SAP130: variants seen among roughly 807,000 people sequenced by gnomAD.
The protein encoded by SAP130 is histone deacetylase complex subunit SAP130.
Under a neutral mutation model 103.2 loss-of-function variants are expected in SAP130, and 16 were observed. The ratio of observed to expected loss-of-function variants is 0.16; its 90% CI spans 0.10 to 0.24. SAP130 has a LOEUF of 0.24. Among genes scored for constraint, SAP130 ranks in the 10% least tolerant of loss-of-function variants. SAP130 has a pLI of 1.00. For synonymous variants in SAP130, 477 were observed against 497.0 expected, an observed-to-expected ratio of 0.96 and a Z score of 0.53; for missense variants, 990 against 1,359.7, an observed-to-expected ratio of 0.73 and a Z score of 4.28.
Position 127,953,968 on chromosome 2 carries a change from T to C in SAP130, c.2422+1018A>G, listed in dbSNP as rs1679663041. On this transcript the variant is annotated intron_variant, in intron 16 of 20. Coordinates refer to ENST00000643581, the MANE Select transcript of SAP130 (RefSeq NM_001330301.2). This position sits in a 1 kb window ranked among gnomAD's most constrained non-coding sequence, Gnocchi z 4.0. Reference sequence around the variant, plus strand: ...TAAGACCTAAGAGGATAAAGCTGCATTTGTCTTACACAAAGTTGCATCGTC... The same window carrying C: ...TAAGACCTAAGAGGATAAAGCTGCACTTGTCTTACACAAAGTTGCATCGTC... Among the ~76,000 whole-genome samples, 1 of 152,228 alleles carries C rather than the reference T, an allele frequency of 6.6e-6. No homozygotes were observed. The highest frequency in any genetic ancestry group is 2.4e-5 in the African/African-American group (1 of 41,466).
chr2:127,957,391 C>G (rs1243877892), intron 15 of SAP130, among the ~76,000 whole-genome samples: 1 of 152,194 alleles, frequency 6.6e-6, no homozygotes, highest in Non-Finnish European at 1.5e-5. Flanking sequence ...TAAGAAAGAA[C>G]TGGCTAGGCG....
intron 10 of SAP130, among the ~76,000 whole-genome samples, chr2:127,997,911 C>T (rs1477146466): frequency 6.6e-6 from 1 of 152,036 alleles, no homozygotes; most frequent in East Asian, 1.9e-4. Flanking sequence ...GTCAGGAGTT[C>T]GAGACCAGCC....
Position 128,000,124 on chromosome 2 carries a change from G to A in SAP130, c.1040C>T (p.Thr347Met), listed in dbSNP as rs769441283. ...TGCTACTGTGGCTGCAGCCACTGGC[G>A]TGCCAGTACTGAAGATTGTTTTCTG... ...MAQKTIFSTG[T>M]PVAAATVAPI... Residue 347 changes from threonine (T) to methionine (M), a missense_variant, in exon 9 of 21, where the codon ACG (threonine) becomes ATG (methionine). Thr to Met is a moderately conservative substitution (Grantham distance 81, BLOSUM62 -1). Around this residue, in one of 6 missense-constraint regions of SAP130, gnomAD observed 336 missense variants for 520.1 expected, o/e 0.65. Coordinates refer to ENST00000643581, the MANE Select transcript of SAP130 (RefSeq NM_001330301.2). 48 of 1,614,018 alleles carry A rather than the reference G, an allele frequency of 3.0e-5. No individual in the cohort carries two copies. The highest frequency in any genetic ancestry group is 1.2e-4 in the Admixed American group (7 of 60,004).
intron 6 of SAP130, among the ~76,000 whole-genome samples, chr2:128,011,305 T>C (rs1684382001): frequency 6.6e-6 from 1 of 152,244 alleles, no homozygotes; most frequent in Non-Finnish European, 1.5e-5. Context: ...TTATCACACT[T>C]ACGTGTGAAA....
intron 15 of SAP130, among the ~76,000 whole-genome samples, 192 bp downstream of exon 15, chr2:127,977,793 G>C (rs1357059724): frequency 6.6e-6 from 1 of 152,012 alleles, no homozygotes; most frequent in African/African-American, 2.4e-5. Flanking sequence ...GGCTGAGGCT[G>C]ATCACTTGAG....
chr2:128,020,010 A>G (rs1685044134), intron 2 of SAP130, among the ~76,000 whole-genome samples: 2 of 152,196 alleles, frequency 1.3e-5, no homozygotes, highest in Admixed American at 6.5e-5. Flanking sequence ...CATAAAGATA[A>G]TATTTACTTA....
At position 127,953,215 on chromosome 2, in the gene SAP130, T is replaced by C. The variant is rs1416771690; in HGVS notation, c.2422+1771A>G. Among the ~76,000 whole-genome samples the C allele has an allele frequency of 2.0e-5, 3 of 152,124 alleles. No individual in the cohort carries two copies. The highest frequency in any genetic ancestry group is 1.3e-4 in the Admixed American group (2 of 15,258). ...TTGCTAAGGCCAAAAATCTTGGAAA[T>C]TGTCCCAGATACTGTTCTCTCACAC... On this transcript the variant is annotated intron_variant, in intron 16 of 20. Transcript: ENST00000643581. This position sits in a 1 kb window ranked among gnomAD's most constrained non-coding sequence, Gnocchi z 4.0.
intron 15 of SAP130, among the ~76,000 whole-genome samples, chr2:127,962,833 C>G (rs1680353197): frequency 6.7e-6 from 1 of 150,264 alleles, no homozygotes; most frequent in African/African-American, 2.5e-5. Context: ...ACATATGTAA[C>G]AAACCTGCAC....
In SAP130 at chr2:127,953,594, T is replaced by A. The variant is rs897182952; in HGVS notation, c.2422+1392A>T. ...TGATCCTGCTGCCTGCCACTCCCCT[T>A]ATTACTTAGCTCCAGCGACCTTTGG... On this transcript the variant is annotated intron_variant, in intron 16 of 20. Transcript: ENST00000643581. This position sits in a 1 kb window ranked among gnomAD's most constrained non-coding sequence, Gnocchi z 4.0. 6.6e-6 allele frequency among the ~76,000 whole-genome samples: 1 copy of A among 152,178 alleles called. No homozygotes were observed. Among genetic ancestry groups the A allele is most frequent in the African/African-American group, 2.4e-5 (1 of 41,440 alleles).
intron 18 of SAP130, among the ~76,000 whole-genome samples, chr2:127,947,484 G>A (rs1377328451): frequency 3.9e-5 from 6 of 152,100 alleles, no homozygotes; most frequent in Non-Finnish European, 8.8e-5. Flanking sequence ...ATATTGATCT[G>A]TCATTTTCTA....
rs569112981 is a variant in SAP130, at chr2:127,955,498, A to G, written c.2064-154T>C. Among the ~76,000 whole-genome samples, 26 of 152,194 alleles carry G rather than the reference A, an allele frequency of 1.7e-4. No homozygotes were observed. Among genetic ancestry groups the G allele is most frequent in the Non-Finnish European group, 3.2e-4 (22 of 68,004 alleles). On this transcript the variant is annotated intron_variant, in intron 15 of 20. Transcript: ENST00000643581. This position sits in a 1 kb window ranked among gnomAD's most constrained non-coding sequence, Gnocchi z 4.9. Reference sequence around the variant, plus strand: ...TTTTTTTAAATTTTTAATTTTAAAAAAATTTTGAGACAGGGTCTCACTCTG... The same window carrying G: ...TTTTTTTAAATTTTTAATTTTAAAAGAATTTTGAGACAGGGTCTCACTCTG...
At chr2:128,021,113 T>A (rs369496835) in intron 2 of SAP130, among the ~76,000 whole-genome samples, 1 of 152,058 alleles carries the variant, frequency 6.6e-6, no homozygotes, top group African/African-American at 2.4e-5. Flanking sequence ...TGTCCAATGA[T>A]CTCTTCAGGA....
intron 10 of SAP130, among the ~76,000 whole-genome samples, chr2:127,998,575 A>G (rs1175142432): frequency 6.6e-6 from 1 of 152,256 alleles, no homozygotes. Context: ...TAATACAGAA[A>G]TATTGGGGTT....
At chr2:127,969,543 C>T (rs1167520944) in intron 15 of SAP130, among the ~76,000 whole-genome samples, 1 of 152,152 alleles carries the variant, frequency 6.6e-6, no homozygotes, top group Non-Finnish European at 1.5e-5. Context: ...CTAGAGCTAC[C>T]ACAACAAATC....
intron 7 of SAP130, among the ~76,000 whole-genome samples, chr2:128,003,711 G>A (rs1258075455): frequency 1.4e-5 from 2 of 142,266 alleles, no homozygotes; most frequent in Non-Finnish European, 3.0e-5. Context: ...TTCAGAAAGT[G>A]CTCCCTAATC....
chr2:127,961,075 G>A (rs1680214920), intron 15 of SAP130, among the ~76,000 whole-genome samples: 1 of 147,480 alleles, frequency 6.8e-6, no homozygotes, highest in Admixed American at 6.9e-5. Flanking sequence ...CTGCAGCCTC[G>A]ACCTCCCAGA....
rs1474911789 is a variant in SAP130, at chr2:127,986,834, C to T, written c.1909G>A (p.Gly637Ser). Residue 637 changes from glycine (G) to serine (S), a missense_variant, in exon 14 of 21, where the codon GGC becomes AGC. By Grantham distance (56) the Gly-to-Ser change is moderately conservative (BLOSUM62 0). Transcript: ENST00000643581. This position sits in a 1 kb window ranked among gnomAD's most constrained non-coding sequence, Gnocchi z 4.7. The part of the protein sequence containing the change: ...QSASTNAPAQ[G>S]SSPRPSILRK... ...AGTATGCTTGGCCGTGGCGATGAGCCCTGGGCGGGAGCGTTGGTGCTAGCA... is the reference window on the plus strand; with the variant it reads ...AGTATGCTTGGCCGTGGCGATGAGCTCTGGGCGGGAGCGTTGGTGCTAGCA... The T allele has an allele frequency of 3.1e-6, 5 of 1,614,090 alleles. No homozygotes were observed. The highest frequency in any genetic ancestry group is 2.2e-5 in the East Asian group (1 of 44,898).
At chr2:128,014,939 A>G (rs1290709899) in intron 4 of SAP130, 25 bp from the exon 5 acceptor site, 2 of 1,591,854 alleles carry the variant, frequency 1.3e-6, no homozygotes, top group Non-Finnish European at 1.7e-6. Flanking sequence ...ATAGAACGTT[A>G]TTTTTACATG....
At chr2:127,971,286 CTT>C (rs70985494) in intron 15 of SAP130, among the ~76,000 whole-genome samples, 95 of 104,298 alleles carry the variant, frequency 9.1e-4, no homozygotes, top group South Asian at 4.2e-3. Context: ...TTTTTCATTT[CTT>C]TTTTTTTTTT....
Sources: allele counts gnomAD v4.1 joint callset (sites outside exome capture counted in the v4.1 genomes callset), GRCh38; gene constraint gnomAD v4.1.1; regional missense constraint gnomAD v4.1.1; non-coding constraint Gnocchi (gnomAD v3.1); transcripts MANE v1.5; gene names NCBI Gene and HGNC (gene_info 2026-07-23, HGNC 2026-07-21).